Variants in RABGAP1L observed in about 807,000 individuals in gnomAD.
RABGAP1L encodes rab GTPase-activating protein 1-like.
RABGAP1L carries 63 observed loss-of-function variants against 137.7 expected under a neutral mutation model. That is an observed-to-expected ratio of 0.46 (90% CI 0.37 to 0.56). The LOEUF is 0.56. Among genes scored for constraint, RABGAP1L ranks in the 20% least tolerant of loss-of-function variants. RABGAP1L has a pLI of 0.00. For missense variants in RABGAP1L, 1,095 were observed against 1,244.0 expected (o/e 0.88, Z 1.80); for synonymous variants, 431 against 433.7 (o/e 0.99, Z 0.08).
chr1:174,649,405 A>G (rs961300224), intron 14 of RABGAP1L, among the ~76,000 whole-genome samples: 4 of 152,074 alleles, frequency 2.6e-5, no homozygotes, highest in African/African-American at 9.7e-5. Context: ...GGTGGTGACA[A>G]AATCCCTCGG....
At chr1:174,427,456 TAAA>T (rs1284411393) in intron 13 of RABGAP1L, among the ~76,000 whole-genome samples, 1 of 152,116 alleles carries the variant, frequency 6.6e-6, no homozygotes, top group Admixed American at 6.6e-5. Context: ...TTCTGTCTCT[TAAA>T]AAGGGATTTC....
chr1:174,463,741 G>T, intron 13 of RABGAP1L, among the ~76,000 whole-genome samples: 1 of 151,904 alleles, frequency 6.6e-6, no homozygotes, highest in East Asian at 1.9e-4. Flanking sequence ...TAGCATTAGA[G>T]AAGTGCAAAT....
chr1:174,428,317 C>T (rs1191274735), intron 13 of RABGAP1L, among the ~76,000 whole-genome samples: 1 of 152,034 alleles, frequency 6.6e-6, no homozygotes, highest in Admixed American at 6.6e-5. Flanking sequence ...GCTGACAATG[C>T]AGTGTATTGG....
chr1:174,723,966 C>T (rs1214461888), intron 17 of RABGAP1L, among the ~76,000 whole-genome samples: 1 of 152,178 alleles, frequency 6.6e-6, no homozygotes, highest in East Asian at 1.9e-4. Flanking sequence ...GTTGTGATAG[C>T]AACTGGCATA....
At position 174,607,445 on chromosome 1, in the gene RABGAP1L, A is replaced by G. The variant is rs577257210; in HGVS notation, c.1711-29930A>G. Among the ~76,000 whole-genome samples, 4 of 151,986 alleles carry G rather than the reference A, an allele frequency of 2.6e-5. No individual in the cohort carries two copies. The East Asian group carries it at 5.8e-4, about 22-fold the overall frequency. ...CCCCACTTAGCCCAGTCTCATCTCC[A>G]TCTCTCCCTAACTGTTGGGTTACAG... On this transcript the variant is annotated intron_variant, in intron 13 of 25. Transcript: ENST00000681986.
chr1:174,918,403 CTG>C (rs1661225036), intron 19 of RABGAP1L, among the ~76,000 whole-genome samples: 1 of 152,100 alleles, frequency 6.6e-6, no homozygotes, highest in Non-Finnish European at 1.5e-5. Context: ...TATCTTTAAT[CTG>C]TAGTCCTAGA....
At chr1:174,297,000 G>T (rs1036377593) in intron 10 of RABGAP1L, among the ~76,000 whole-genome samples, 1 of 152,040 alleles carries the variant, frequency 6.6e-6, no homozygotes, top group African/African-American at 2.4e-5. Flanking sequence ...TTGAATTATG[G>T]AATAATTCTG....
At chr1:174,314,176 T>C (rs1185735031) in intron 11 of RABGAP1L, among the ~76,000 whole-genome samples, 1 of 152,166 alleles carries the variant, frequency 6.6e-6, no homozygotes, top group East Asian at 1.9e-4. Context: ...TATTATTGCT[T>C]CAATCTCAGT....
intron 10 of RABGAP1L, among the ~76,000 whole-genome samples, chr1:174,292,539 G>C (rs1168682920): frequency 1.3e-5 from 2 of 151,496 alleles, no homozygotes; most frequent in Non-Finnish European, 2.9e-5. Flanking sequence ...CATATTGTTT[G>C]ATTTTCCAAT....
rs955489591 is a variant in RABGAP1L at position 174,458,334 on chromosome 1, GA to G, written c.1710+64197del. Among the ~76,000 whole-genome samples the G allele has an allele frequency of 1.2e-3, 177 of 151,164 alleles. 1 individual carries two copies. The highest frequency in any genetic ancestry group is 4.2e-3 in the African/African-American group (173 of 41,020). On this transcript the variant is annotated intron_variant, in intron 13 of 25. Transcript: ENST00000681986. ...AAAATTTTTCAGAAAAAAATTTACA[GA>G]AAAAAAATTTTTTTCTGTACAGAAA...
Position 174,162,141 on chromosome 1 carries a change from GTTTTC to G in RABGAP1L, c.-34+2489_-34+2493del, listed in dbSNP as rs561541277. Among the ~76,000 whole-genome samples, 828 of 151,194 alleles carry G rather than the reference GTTTTC, an allele frequency of 5.5e-3. 1 individual carries two copies. The highest frequency in any genetic ancestry group is 0.017 in the Middle Eastern group (5 of 294). ...TTGATAATTGTTTCATGATTTAGAT[GTTTTC>G]TTTTTACGCTGGTAGTTATGATTTT... is the stretch of plus-strand genomic sequence containing the variant. On this transcript the variant is annotated intron_variant, in intron 1 of 25. Coordinates refer to ENST00000681986, the MANE Select transcript of RABGAP1L (RefSeq NM_001366446.1).
chr1:174,710,828 C>G (rs1463409218), intron 17 of RABGAP1L, among the ~76,000 whole-genome samples: 1 of 152,198 alleles, frequency 6.6e-6, no homozygotes, highest in African/African-American at 2.4e-5. Context: ...CAAAATTAAC[C>G]TTAAATGTAA....
chr1:174,422,598 AT>A (rs1323797621), intron 13 of RABGAP1L, among the ~76,000 whole-genome samples: 1 of 152,134 alleles, frequency 6.6e-6, no homozygotes, highest in Non-Finnish European at 1.5e-5. Context: ...AAGAGAAGTT[AT>A]ATGAATTAAT....
At chr1:174,563,284 AAG>A (rs1667348989) in intron 13 of RABGAP1L, among the ~76,000 whole-genome samples, 2 of 152,226 alleles carry the variant, frequency 1.3e-5, no homozygotes, top group Admixed American at 6.5e-5. Flanking sequence ...TTGATGAAAA[AAG>A]ATTTCAATTT....
chr1:174,602,614 G>A (rs555658844), intron 13 of RABGAP1L, among the ~76,000 whole-genome samples: 1 of 152,172 alleles, frequency 6.6e-6, no homozygotes, highest in African/African-American at 2.4e-5. Flanking sequence ...GATCTTGTAG[G>A]CATGCTCCAT....
At chr1:174,165,196 T>C (rs977451383) in intron 1 of RABGAP1L, among the ~76,000 whole-genome samples, 10 of 152,246 alleles carry the variant, frequency 6.6e-5, no homozygotes, top group Non-Finnish European at 5.9e-5. Context: ...TGACCCAGGC[T>C]GGAGTACAGT....
intron 13 of RABGAP1L, among the ~76,000 whole-genome samples, chr1:174,602,657 CTA>C (rs1051718586): frequency 6.6e-6 from 1 of 152,036 alleles, no homozygotes; most frequent in Admixed American, 6.6e-5. Flanking sequence ...CCTTTTCTGA[CTA>C]TTTATTTTCA....
In RABGAP1L at chr1:174,500,708, A is replaced by G. The variant is rs545650303; in HGVS notation, c.1710+106563A>G. 2.0e-5 allele frequency among the ~76,000 whole-genome samples: 3 copies of G among 152,324 alleles called. No homozygotes were observed. In the South Asian group the frequency reaches 6.2e-4, roughly 32 times the overall value. ...AACTCCCATACACTCATTTAATGCC[A>G]TAACCTTCTGATATAGATATTATTA... On this transcript the variant is annotated intron_variant, in intron 13 of 25. Transcript: ENST00000681986.
At chr1:174,734,377 T>C (rs1006791148) in intron 17 of RABGAP1L, among the ~76,000 whole-genome samples, 4 of 152,038 alleles carry the variant, frequency 2.6e-5, no homozygotes, top group Admixed American at 6.6e-5. Flanking sequence ...CAGTAAAGCT[T>C]TCAAAGCCCC....
Sources: allele counts gnomAD v4.1 joint callset (sites outside exome capture counted in the v4.1 genomes callset), GRCh38; gene constraint gnomAD v4.1.1; transcripts MANE v1.5; gene names NCBI Gene and HGNC (gene_info 2026-07-23, HGNC 2026-07-21).